The following BCAS3 variants were observed in gnomAD, a reference collection of about 807,000 sequenced individuals.
BCAS3 encodes BCAS4/BCAS3 fusion.
A neutral mutation model predicts 116.1 loss-of-function variants in BCAS3; 53 were observed. That is an observed-to-expected ratio of 0.46 (90% CI 0.37 to 0.57). The LOEUF (loss-of-function observed/expected upper bound fraction) is 0.57. BCAS3 is among the 20% of genes least tolerant of loss of function. The probability of loss-of-function intolerance (pLI) is 0.00; values close to 1 mark genes in which losing one functional copy is unlikely to be tolerated. For missense variants in BCAS3, 917 were observed against 1,165.4 expected, an observed-to-expected ratio of 0.79 and a Z score of 3.10; for synonymous variants, 391 against 408.2, an observed-to-expected ratio of 0.96 and a Z score of 0.51.
intron 22 of BCAS3, among the ~76,000 whole-genome samples, chr17:61,174,843 A>G (rs2144136335): frequency 6.6e-6 from 1 of 152,334 alleles, no homozygotes; most frequent in East Asian, 1.9e-4. Context: ...CACTCGATAG[A>G]CACAGTGAGT....
rs1346081970 is a variant in BCAS3, at chr17:61,228,370, G to A, written c.2426-139957G>A. 1.3e-5 allele frequency among the ~76,000 whole-genome samples: 2 copies of A among 152,182 alleles called. No individual in the cohort carries two copies. The highest frequency in any genetic ancestry group is 6.5e-5 in the Admixed American group (1 of 15,284). On this transcript the variant is annotated intron_variant, in intron 22 of 23. Coordinates refer to ENST00000407086, the MANE Select transcript of BCAS3 (RefSeq NM_017679.5). This position sits in a 1 kb window ranked among gnomAD's most constrained non-coding sequence, Gnocchi z 5.0. ...TTTTTTTAAGGTGGGAAGGACACAT[G>A]GGTATGGTGTATTTTAAAAGGATTT...
chr17:61,256,468 T>G lies in BCAS3; in HGVS notation c.2426-111859T>G, dbSNP rs1019848166. 1.3e-5 allele frequency among the ~76,000 whole-genome samples: 2 copies of G among 152,024 alleles called. No individual in the cohort carries two copies. Among genetic ancestry groups the G allele is most frequent in the Non-Finnish European group, 2.9e-5 (2 of 67,994 alleles). ...ACAGGCGTGGGCCACCATACCTGGCTAATTTTTGTATTTTTAGTAGAGACA... is the reference window on the plus strand; with the variant it reads ...ACAGGCGTGGGCCACCATACCTGGCGAATTTTTGTATTTTTAGTAGAGACA... On this transcript the variant is annotated intron_variant, in intron 22 of 23. Transcript: ENST00000407086. This position sits in a 1 kb window ranked among gnomAD's most constrained non-coding sequence, Gnocchi z 5.6.
At position 61,156,672 on chromosome 17, in the gene BCAS3, G is replaced by A. The variant is rs529643298; in HGVS notation, c.2425+72108G>A. Among the ~76,000 whole-genome samples the A allele has an allele frequency of 2.0e-5, 3 of 152,236 alleles. No individual in the cohort carries two copies. The highest frequency in any genetic ancestry group is 3.9e-4 in the East Asian group (2 of 5,186). Reference sequence around the variant, plus strand: ...AACTGTGTCTTTTTGTAGTTGATGAGTAACCTGTGGATGTGAATCCTTGGA... The same window carrying A: ...AACTGTGTCTTTTTGTAGTTGATGAATAACCTGTGGATGTGAATCCTTGGA... On this transcript the variant is annotated intron_variant, in intron 22 of 23. Transcript: ENST00000407086. This position sits in a 1 kb window ranked among gnomAD's most constrained non-coding sequence, Gnocchi z 4.7.
At chr17:61,043,211 C>CA (rs957152765) in intron 19 of BCAS3, among the ~76,000 whole-genome samples, 24 of 151,844 alleles carry the variant, frequency 1.6e-4, no homozygotes, top group Middle Eastern at 3.4e-3. Context: ...CTAAAACACA[C>CA]AAAAAAATCA....
chr17:60,929,477 G>C (rs1199479273), intron 13 of BCAS3, among the ~76,000 whole-genome samples: 2 of 151,954 alleles, frequency 1.3e-5, no homozygotes, highest in Non-Finnish European at 2.9e-5. Flanking sequence ...CTGCACACTG[G>C]CTGAATTATA....
chr17:61,048,207 G>A (rs1396286622), intron 19 of BCAS3, among the ~76,000 whole-genome samples: 2 of 151,974 alleles, frequency 1.3e-5, no homozygotes, highest in Non-Finnish European at 2.9e-5. Flanking sequence ...TATTTCTTGA[G>A]GTTCCAGTTG....
At chr17:60,757,307 T>G (rs1231929502) in intron 6 of BCAS3, among the ~76,000 whole-genome samples, 1 of 127,610 alleles carries the variant, frequency 7.8e-6, no homozygotes, top group East Asian at 2.6e-4. Flanking sequence ...AGAGCAAGAC[T>G]CTGTCTCAAA....
At chr17:61,125,233 C>T (rs997902798) in intron 22 of BCAS3, among the ~76,000 whole-genome samples, 1 of 152,174 alleles carries the variant, frequency 6.6e-6, no homozygotes, top group Non-Finnish European at 1.5e-5. Context: ...CAGAGCTACT[C>T]ACTTGAACAC....
chr17:60,939,644 G>T (rs892339504), intron 13 of BCAS3, among the ~76,000 whole-genome samples: 1 of 152,156 alleles, frequency 6.6e-6, no homozygotes, highest in Non-Finnish European at 1.5e-5. Flanking sequence ...GCTGATGAGT[G>T]GTTGCTTGGG....
intron 4 of BCAS3, among the ~76,000 whole-genome samples, chr17:60,695,772 A>C (rs1276489396): frequency 4.0e-5 from 6 of 151,760 alleles, no homozygotes; most frequent in African/African-American, 1.5e-4. Flanking sequence ...CTTATTTTTA[A>C]ATTTTTTGTA....
intron 6 of BCAS3, among the ~76,000 whole-genome samples, chr17:60,758,215 A>G (rs370032143): frequency 6.6e-6 from 1 of 152,154 alleles, no homozygotes; most frequent in East Asian, 1.9e-4. Flanking sequence ...TTTTGACTCA[A>G]AATTGCTCTA....
At chr17:60,971,519 C>T (rs887647828) in intron 14 of BCAS3, among the ~76,000 whole-genome samples, 5 of 152,060 alleles carry the variant, frequency 3.3e-5, no homozygotes, top group Non-Finnish European at 2.9e-5. Context: ...ATGCTGGTTG[C>T]TCCTTATTTC....
rs1233241244 is a variant in BCAS3, at chr17:61,198,368, C to T, written c.2425+113804C>T. The stretch of plus-strand genomic sequence containing the variant: ...TGTTAGCCAGGATGTTCTCGATCTC[C>T]TGACCTCGTGATCCACCCGCCTCGG... On this transcript the variant is annotated intron_variant, in intron 22 of 23. Coordinates refer to ENST00000407086, the MANE Select transcript of BCAS3 (RefSeq NM_017679.5). This position sits in a 1 kb window ranked among gnomAD's most constrained non-coding sequence, Gnocchi z 5.0. Among the ~76,000 whole-genome samples, 20 of 152,152 alleles carry T rather than the reference C, an allele frequency of 1.3e-4. No individual in the cohort carries two copies. The highest frequency in any genetic ancestry group is 1.3e-3 in the Admixed American group (20 of 15,276).
rs2049219977 is a variant in BCAS3 at position 61,261,706 on chromosome 17, C to A, written c.2426-106621C>A. Among the ~76,000 whole-genome samples the A allele has an allele frequency of 1.3e-5, 2 of 152,126 alleles. No individual in the cohort carries two copies. Among genetic ancestry groups the A allele is most frequent in the African/African-American group, 4.8e-5 (2 of 41,420 alleles). On this transcript the variant is annotated intron_variant, in intron 22 of 23. Coordinates refer to ENST00000407086, the MANE Select transcript of BCAS3 (RefSeq NM_017679.5). This position sits in a 1 kb window ranked among gnomAD's most constrained non-coding sequence, Gnocchi z 4.4. Reference sequence around the variant, plus strand: ...AACCTTATTGTTTAAATTAGCTATACCCCAGCCAAAGCTCACAACTCATAT... The same window carrying A: ...AACCTTATTGTTTAAATTAGCTATAACCCAGCCAAAGCTCACAACTCATAT...
chr17:60,681,456 C>T (rs1285219249), intron 2 of BCAS3, among the ~76,000 whole-genome samples: 1 of 150,750 alleles, frequency 6.6e-6, no homozygotes, highest in East Asian at 2.0e-4. Context: ...GCTGAGATCG[C>T]ACCACTGCAC....
At chr17:60,953,388 T>A (rs1296848309) in intron 14 of BCAS3, among the ~76,000 whole-genome samples, 1 of 152,112 alleles carries the variant, frequency 6.6e-6, no homozygotes, top group Non-Finnish European at 1.5e-5. Flanking sequence ...GTTCATGTCC[T>A]TTGCCCACTA....
intron 19 of BCAS3, among the ~76,000 whole-genome samples, chr17:61,064,390 T>C (rs1162580287): frequency 1.3e-5 from 2 of 152,184 alleles, no homozygotes; most frequent in Non-Finnish European, 2.9e-5. Context: ...CATGAACCCA[T>C]TATGCTTTAT....
chr17:60,899,653 A>G (rs1368608531), intron 10 of BCAS3, among the ~76,000 whole-genome samples: 2 of 152,008 alleles, frequency 1.3e-5, no homozygotes, highest in Non-Finnish European at 2.9e-5. Context: ...ATGCACCACC[A>G]TGCCTGGCTA....
chr17:60,685,632 C>A (rs902045993), intron 3 of BCAS3, among the ~76,000 whole-genome samples: 1 of 151,964 alleles, frequency 6.6e-6, no homozygotes, highest in South Asian at 2.1e-4. Context: ...TAAAGGGTGT[C>A]ATGTATATAA....
Sources: gnomAD v4.1 joint callset for allele counts (sites outside exome capture counted in the v4.1 genomes callset) on GRCh38, gnomAD v4.1.1 for gene constraint, Gnocchi (gnomAD v3.1) non-coding constraint, MANE v1.5 for transcripts, NCBI Gene and HGNC (gene_info 2026-07-23, HGNC 2026-07-21) for gene names.